Variants in MARCHF6 observed in about 807,000 individuals in gnomAD.
The protein encoded by MARCHF6 is membrane associated ring-CH-type finger 6.
Under a neutral mutation model 133.7 loss-of-function variants are expected in MARCHF6, and 31 were observed. The observed-to-expected ratio is 0.23, with a 90% confidence interval of 0.17 to 0.31. The LOEUF (loss-of-function observed/expected upper bound fraction) is 0.31. Among genes scored for constraint, MARCHF6 ranks in the 10% least tolerant of loss-of-function variants. MARCHF6 has a pLI of 1.00. For synonymous variants in MARCHF6, 395 were observed against 402.5 expected (o/e 0.98, Z 0.22); for missense variants, 723 against 1,121.6 (o/e 0.64, Z 5.08).
rs1475373156 is a variant in MARCHF6 at position 10,437,527 on chromosome 5, T to G, written c.*3843T>G. On this transcript the variant is annotated 3_prime_UTR_variant, in exon 26 of 26. Transcript: ENST00000274140. Reference sequence around the variant, plus strand: ...CTTTAAAATAATCCCTGACAATATCTTTGGCATTAATACGACATAAAGACA... The same window carrying G: ...CTTTAAAATAATCCCTGACAATATCGTTGGCATTAATACGACATAAAGACA... 2.6e-5 allele frequency: 4 copies of G among 152,252 alleles called. No homozygotes were observed. Among genetic ancestry groups the G allele is most frequent in the Admixed American group, 2.6e-4 (4 of 15,282 alleles). 9.4% of individuals were successfully genotyped at this position (152,252 alleles called of 1,614,324 possible).
rs889620556 is a variant in MARCHF6, at chr5:10,439,693, T to A, written c.*6009T>A. On this transcript the variant is annotated 3_prime_UTR_variant, in exon 26 of 26. Transcript: ENST00000274140. ...TGTTTTCAACATTGAATCCAGAATG[T>A]TCTTCTTGAGATCCAAGTCAGATCA... is the stretch of plus-strand genomic sequence containing the variant. 3.3e-5 allele frequency: 5 copies of A among 151,986 alleles called. No individual in the cohort carries two copies. The highest frequency in any genetic ancestry group is 1.3e-4 in the Admixed American group (2 of 15,276). The allele number at this position is 151,986 out of a possible 1,614,324, so 9.4% of individuals were successfully genotyped here.
chr5:10,380,077 A>G (rs1737036575), intron 3 of MARCHF6, among the ~76,000 whole-genome samples: 2 of 151,960 alleles, frequency 1.3e-5, no homozygotes, highest in Non-Finnish European at 2.9e-5. Flanking sequence ...CTGGCAAGTT[A>G]TTAAATATTT....
Position 10,435,639 on chromosome 5 carries a change from C to CTATA in MARCHF6, c.*2011_*2014dup, listed in dbSNP as rs1248965119. On this transcript the variant is annotated 3_prime_UTR_variant, in exon 26 of 26. Coordinates refer to ENST00000274140, the MANE Select transcript of MARCHF6 (RefSeq NM_005885.4). The stretch of plus-strand genomic sequence containing the variant: ...AGCATATAACTATATAACTATATAA[C>CTATA]TATATATATATATATATATATATAT... The CTATA allele has an allele frequency of 8.3e-4, 2 of 2,422 alleles. No individual in the cohort carries two copies. The highest frequency in any genetic ancestry group is 6.6e-4 in the Non-Finnish European group (1 of 1,518). 0.2% of individuals were successfully genotyped at this position (2,422 alleles called of 1,614,324 possible).
rs1561159205 is a variant in MARCHF6, at chr5:10,435,645, ATATATATATAT to A, written c.*1962_*1972del. On this transcript the variant is annotated 3_prime_UTR_variant, in exon 26 of 26. Transcript: ENST00000274140. ...TAACTATATAACTATATAACTATATATATATATATATATATATATATATATATATATATATA... is the reference window on the plus strand; with the variant it reads ...TAACTATATAACTATATAACTATATAATATATATATATATATATATATATA... 37 of 2,130 alleles carry A rather than the reference ATATATATATAT, an allele frequency of 0.017. 1 individual carries two copies. The highest frequency in any genetic ancestry group is 0.041 in the Admixed American group (3 of 74). 0.1% of individuals were successfully genotyped at this position (2,130 alleles called of 1,614,324 possible).
chr5:10,391,880 A>T, intron 7 of MARCHF6, 149 bp downstream of exon 7: 1 of 715,900 alleles, frequency 1.4e-6, no homozygotes, highest in Non-Finnish European at 2.0e-6. Context: ...ACTGGCATTT[A>T]TGGATGTACA....
chr5:10,354,745 T>G (rs1230189668), intron 1 of MARCHF6: 3 of 152,204 alleles, frequency 2.0e-5, no homozygotes, highest in Non-Finnish European at 4.4e-5. Context: ...TAAATTTTGC[T>G]TTTTTTGATG....
intron 16 of MARCHF6, among the ~76,000 whole-genome samples, chr5:10,406,841 C>T (rs765461692): frequency 6.6e-6 from 1 of 152,154 alleles, no homozygotes; most frequent in African/African-American, 2.4e-5. Context: ...CCTTAGGTAG[C>T]AAGTGGTGAT....
rs1737850113 is a variant in MARCHF6 at position 10,391,601 on chromosome 5, A to G, written c.636A>G (p.Pro212=). 1.2e-6 allele frequency: 2 copies of G among 1,613,192 alleles called. No homozygotes were observed. Among genetic ancestry groups the G allele is most frequent in the African/African-American group, 1.3e-5 (1 of 74,846 alleles). Residue 212 remains proline, a synonymous_variant, in exon 7 of 26, where the codon CCA becomes CCG. Transcript: ENST00000274140. ...CTGCTGATCAGCCTGCTAACCCACC[A>G]GCTGAGAACGCAGTGGTGGGGGAAA... ...NVAADQPANP[P]AENAVVGENP...
intron 21 of MARCHF6, among the ~76,000 whole-genome samples, chr5:10,416,285 C>T (rs1739510092): frequency 6.6e-6 from 1 of 152,194 alleles, no homozygotes; most frequent in Non-Finnish European, 1.5e-5. Flanking sequence ...TTACTGCTTA[C>T]ACCTTTTCAT....
chr5:10,362,833 T>C (rs573335948), intron 1 of MARCHF6, among the ~76,000 whole-genome samples: 25 of 152,336 alleles, frequency 1.6e-4, no homozygotes, highest in Admixed American at 1.6e-3. Flanking sequence ...AACTGTTAAA[T>C]TAAAATCCAT....
chr5:10,375,101 C>T (rs1434159733), intron 1 of MARCHF6, among the ~76,000 whole-genome samples: 1 of 152,194 alleles, frequency 6.6e-6, no homozygotes, highest in Non-Finnish European at 1.5e-5. Context: ...TGTGGGAGCC[C>T]CTTTCTGGCC....
chr5:10,357,149 G>C (rs938109595), intron 1 of MARCHF6, among the ~76,000 whole-genome samples: 2 of 151,214 alleles, frequency 1.3e-5, no homozygotes. Flanking sequence ...TTAGGAGTCC[G>C]ATCCTGTAAT....
At position 10,419,248 on chromosome 5, in the gene MARCHF6, AGTATT is replaced by A. The variant is rs545615006; in HGVS notation, c.2283+1845_2283+1849del. Among the ~76,000 whole-genome samples, 31 of 152,360 alleles carry A rather than the reference AGTATT, an allele frequency of 2.0e-4. No individual in the cohort carries two copies. The South Asian group carries it at 3.1e-3, about 15-fold the overall frequency. ...CTATTCTGTTTTTCACTTTCAGTAT[AGTATT>A]CAGTAAATTGCATGAGATAGTCACT... is the stretch of plus-strand genomic sequence containing the variant. On this transcript the variant is annotated intron_variant, in intron 22 of 25. Transcript: ENST00000274140.
chr5:10,413,913 A>G (rs1290666333), intron 19 of MARCHF6, among the ~76,000 whole-genome samples: 1 of 152,212 alleles, frequency 6.6e-6, no homozygotes, highest in African/African-American at 2.4e-5. Context: ...GTACAGGAGC[A>G]CTAGTTTATA....
chr5:10,401,826 G>T (rs1738550923), intron 11 of MARCHF6: 2 of 535,398 alleles, frequency 3.7e-6, no homozygotes, highest in Non-Finnish European at 6.6e-6. Context: ...CTGTTATTTT[G>T]TCTCCTTGGG....
chr5:10,421,143 T>G (rs914134320), intron 22 of MARCHF6, among the ~76,000 whole-genome samples: 1 of 152,248 alleles, frequency 6.6e-6, no homozygotes. Context: ...AATTCTTTGG[T>G]ACTATCAAAG....
At chr5:10,381,607 A>G (rs1319264083) in intron 3 of MARCHF6, among the ~76,000 whole-genome samples, 193 bp from the exon 4 acceptor site, 2 of 152,196 alleles carry the variant, frequency 1.3e-5, no homozygotes, top group Non-Finnish European at 2.9e-5. Context: ...TCCACGTTTC[A>G]CATGTGATTT....
chr5:10,405,292 C>G (rs891311057), intron 15 of MARCHF6, among the ~76,000 whole-genome samples: 1 of 151,990 alleles, frequency 6.6e-6, no homozygotes, highest in Non-Finnish European at 1.5e-5. Context: ...GTCTAGATTT[C>G]TTGACACATT....
Position 10,431,655 on chromosome 5 carries a change from GTGTA to G in MARCHF6, c.2642+1631_2642+1634del, listed in dbSNP as rs1356841345. On this transcript the variant is annotated intron_variant, in intron 25 of 25. Coordinates refer to ENST00000274140, the MANE Select transcript of MARCHF6 (RefSeq NM_005885.4). ...TGTGTGTGTGTGTGTGTGTGTGAGAGTGTATGTGTGTGTGTGGTGGGCTTGAGTA... is the reference window on the plus strand; with the variant it reads ...TGTGTGTGTGTGTGTGTGTGTGAGAGTGTGTGTGTGTGGTGGGCTTGAGTA... Among the ~76,000 whole-genome samples, 13 of 152,016 alleles carry G rather than the reference GTGTA, an allele frequency of 8.6e-5. No homozygotes were observed. The East Asian group carries it at 1.5e-3, about 18-fold the overall frequency.
Sources: allele counts gnomAD v4.1 joint callset (sites outside exome capture counted in the v4.1 genomes callset), GRCh38; gene constraint gnomAD v4.1.1; transcripts MANE v1.5; gene names NCBI Gene and HGNC (gene_info 2026-07-23, HGNC 2026-07-21).